Variants in GRIA1 observed in about 807,000 individuals in gnomAD.
GRIA1 encodes glutamate receptor 1.
Under a neutral mutation model 99.2 loss-of-function variants are expected in GRIA1, and 31 were observed. The observed-to-expected ratio is 0.31, with a 90% CI of 0.23 to 0.42. GRIA1 has a LOEUF of 0.42. GRIA1 is among the 10% of genes least tolerant of loss of function. The probability of loss-of-function intolerance (pLI) is 1.00; values close to 1 mark genes in which losing one functional copy is unlikely to be tolerated. For missense variants in GRIA1, 782 were observed against 1,157.5 expected, an observed-to-expected ratio of 0.68 and a Z score of 4.71; for synonymous variants, 438 against 432.4, an observed-to-expected ratio of 1.01 and a Z score of -0.16.
intron 2 of GRIA1, among the ~76,000 whole-genome samples, chr5:153,567,776 G>A (rs1561648845): frequency 6.6e-6 from 1 of 152,148 alleles, no homozygotes; most frequent in African/African-American, 2.4e-5. Flanking sequence ...CACTTGATGT[G>A]TTTGAGAATA....
At chr5:153,638,179 G>T (rs1753523240) in intron 2 of GRIA1, among the ~76,000 whole-genome samples, 1 of 152,124 alleles carries the variant, frequency 6.6e-6, no homozygotes, top group African/African-American at 2.4e-5. Context: ...ACCCTTCAAA[G>T]GGATATGAAT....
chr5:153,537,250 T>A (rs1339611741), intron 2 of GRIA1, among the ~76,000 whole-genome samples: 1 of 152,162 alleles, frequency 6.6e-6, no homozygotes, highest in Non-Finnish European at 1.5e-5. Context: ...AAGAGGATCA[T>A]AAACGCACTT....
chr5:153,794,819 C>G (rs1489692066), intron 14 of GRIA1, 84 bp downstream of exon 14: 4 of 775,470 alleles, frequency 5.2e-6, no homozygotes, highest in Admixed American at 2.4e-5. Flanking sequence ...CAATACCTAT[C>G]CTGCTTCCTA....
intron 2 of GRIA1, among the ~76,000 whole-genome samples, chr5:153,518,175 C>T (rs1345077516): frequency 6.6e-6 from 1 of 152,214 alleles, no homozygotes; most frequent in African/African-American, 2.4e-5. Context: ...ATTGCCCTCT[C>T]TTCCAGCACT....
intron 5 of GRIA1, among the ~76,000 whole-genome samples, chr5:153,662,922 T>C (rs1209071597): frequency 6.6e-6 from 1 of 152,162 alleles, no homozygotes; most frequent in African/African-American, 2.4e-5. Flanking sequence ...CTTATTCCAG[T>C]TTCCTCTTCT....
chr5:153,616,388 A>G (rs1288600129), intron 2 of GRIA1, among the ~76,000 whole-genome samples: 3 of 152,130 alleles, frequency 2.0e-5, no homozygotes, highest in Non-Finnish European at 4.4e-5. Flanking sequence ...GGGGTGACCA[A>G]TCTTTTGGCT....
chr5:153,712,197 G>A (rs1033340483), intron 11 of GRIA1, among the ~76,000 whole-genome samples: 20 of 152,168 alleles, frequency 1.3e-4, no homozygotes, highest in East Asian at 1.9e-4. Context: ...CATTACAGGC[G>A]TGTGCCACCA....
At chr5:153,534,638 T>C (rs1758396867) in intron 2 of GRIA1, among the ~76,000 whole-genome samples, 1 of 152,100 alleles carries the variant, frequency 6.6e-6, no homozygotes, top group African/African-American at 2.4e-5. Flanking sequence ...CGTTGTGGAG[T>C]AAGTGCTTGA....
At chr5:153,672,865 G>C (rs573111760) in intron 5 of GRIA1, among the ~76,000 whole-genome samples, 2 of 152,330 alleles carry the variant, frequency 1.3e-5, no homozygotes, top group South Asian at 4.1e-4. Context: ...GGAATTGCCT[G>C]TATGATCCCA....
intron 11 of GRIA1, among the ~76,000 whole-genome samples, chr5:153,737,576 C>T (rs1318328980): frequency 6.6e-5 from 10 of 152,180 alleles, no homozygotes. Flanking sequence ...ATCTCTCAGC[C>T]TCAGCCTGGT....
At chr5:153,609,350 C>T (rs1994862) in intron 2 of GRIA1, among the ~76,000 whole-genome samples, 2 of 151,842 alleles carry the variant, frequency 1.3e-5, no homozygotes, top group East Asian at 3.9e-4. Context: ...TGGGAGTATT[C>T]GTCCAAATTA....
intron 2 of GRIA1, among the ~76,000 whole-genome samples, chr5:153,510,162 A>C (rs2113302922): frequency 6.6e-6 from 1 of 152,282 alleles, no homozygotes; most frequent in South Asian, 2.1e-4. Context: ...CTGGTCCTGC[A>C]CTTATTTGGG....
chr5:153,677,780 T>G (rs1302510616), intron 7 of GRIA1, among the ~76,000 whole-genome samples: 1 of 152,224 alleles, frequency 6.6e-6, no homozygotes, highest in African/African-American at 2.4e-5. Context: ...ATATGTCTGC[T>G]GTGGAAGCAG....
intron 11 of GRIA1, among the ~76,000 whole-genome samples, chr5:153,734,662 A>C (rs1761259432): frequency 1.3e-5 from 2 of 152,240 alleles, no homozygotes. Context: ...TCAAGAGAAG[A>C]GCCAGAATTT....
chr5:153,490,783 G>C lies in GRIA1; in HGVS notation c.-106G>C. The C allele has an allele frequency of 3.5e-6, 3 of 855,998 alleles. No individual in the cohort carries two copies. In the South Asian group the frequency reaches 4.1e-5, roughly 12 times the overall value. The allele number at this position is 855,998 out of a possible 1,614,324, so 53.0% of individuals were successfully genotyped here. A position where few individuals can be genotyped will look rare whatever the true frequency, so the allele number is the denominator to read the frequency against. On this transcript the variant is annotated 5_prime_UTR_variant, in exon 1 of 16. Transcript: ENST00000285900. The stretch of plus-strand genomic sequence containing the variant: ...GCAAGCAAGCAAGGAAGGAACTGCA[G>C]GAGGAAAAGAACAGGCAGAACAGCG...
chr5:153,689,138 C>T (rs1453526357), intron 8 of GRIA1, among the ~76,000 whole-genome samples: 3 of 151,856 alleles, frequency 2.0e-5, no homozygotes, highest in Non-Finnish European at 4.4e-5. Flanking sequence ...AAGTGATCCA[C>T]CCACCTCGGC....
intron 7 of GRIA1, among the ~76,000 whole-genome samples, chr5:153,681,549 A>G (rs1756970243): frequency 6.6e-6 from 1 of 152,194 alleles, no homozygotes; most frequent in Non-Finnish European, 1.5e-5. Flanking sequence ...CACATGTCAC[A>G]TTGGCCTGTT....
In GRIA1 at chr5:153,490,825, AG is replaced by A. The variant is rs1289920875; in HGVS notation, c.-57del. The A allele has an allele frequency of 7.8e-6, 9 of 1,155,712 alleles. No individual in the cohort carries two copies. Among genetic ancestry groups the A allele is most frequent in the African/African-American group, 1.5e-5 (1 of 66,212 alleles). 71.6% of individuals were successfully genotyped at this position (1,155,712 alleles called of 1,614,324 possible). A position where few individuals can be genotyped will look rare whatever the true frequency, so the allele number is the denominator to read the frequency against. Reference sequence around the variant, plus strand: ...AGAACAGCGAGAAGAATAAAGGGAAAGGGGGGGAAACACCAAATCTATGATT... The same window carrying A: ...AGAACAGCGAGAAGAATAAAGGGAAAGGGGGGAAACACCAAATCTATGATT... On this transcript the variant is annotated 5_prime_UTR_variant, in exon 1 of 16. Transcript: ENST00000285900.
intron 13 of GRIA1, among the ~76,000 whole-genome samples, chr5:153,782,483 G>C (rs1420080042): frequency 6.6e-6 from 1 of 152,122 alleles, no homozygotes; most frequent in Non-Finnish European, 1.5e-5. Flanking sequence ...TTTTTCAAAA[G>C]AAACTAGAAA....
Sources: gnomAD v4.1 joint callset for allele counts (sites outside exome capture counted in the v4.1 genomes callset) on GRCh38, gnomAD v4.1.1 for gene constraint, MANE v1.5 for transcripts, NCBI Gene and HGNC (gene_info 2026-07-23, HGNC 2026-07-21) for gene names.